Variants in AEBP1 observed in about 807,000 individuals in gnomAD.
AEBP1 encodes the protein AE binding protein 1, also known as adipocyte enhancer-binding protein 1.
A neutral mutation model predicts 116.5 loss-of-function variants in AEBP1; 69 were observed. That is an observed-to-expected ratio of 0.59 (90% CI 0.49 to 0.72). The LOEUF is 0.72. Ranked by LOEUF, AEBP1 falls within the 30% of genes least tolerant of loss-of-function variation. The pLI is 0.00. For synonymous variants in AEBP1, 627 were observed against 627.3 expected (o/e 1.00, Z 0.01); for missense variants, 1,444 against 1,557.5 (o/e 0.93, Z 1.23).
At position 44,113,401 on chromosome 7, in the gene AEBP1, A is replaced by G; in HGVS notation, c.2809+50A>G. 6.5e-7 allele frequency: 1 copy of G among 1,546,938 alleles called. No homozygotes were observed. The highest frequency in any genetic ancestry group is 8.8e-7 in the Non-Finnish European group (1 of 1,137,832). On this transcript the variant is annotated intron_variant, in intron 20 of 20. Coordinates refer to ENST00000223357, the MANE Select transcript of AEBP1 (RefSeq NM_001129.5). The surrounding 1 kb of genome is among the most constrained non-coding windows in gnomAD (Gnocchi z 5.3). ...CCATCTTTCTGAGGGAGGACCCGCC[A>G]GAGAGGGTGGGGGCTTGAGGAACTC...
At chr7:44,110,477 G>T in intron 11 of AEBP1, 131 bp downstream of exon 11, 1 of 1,367,658 alleles carries the variant, frequency 7.3e-7, no homozygotes. Context: ...ATCAGTGAGG[G>T]ACTCACCCTG....
chr7:44,106,339 G>A (rs2096222880), intron 1 of AEBP1: 1 of 712,592 alleles, frequency 1.4e-6, no homozygotes, highest in South Asian at 1.5e-5. Flanking sequence ...GTTGAGATTG[G>A]TGGTCACAGC....
At position 44,111,171 on chromosome 7, in the gene AEBP1, G is replaced by A. The variant is rs376114999; in HGVS notation, c.1648G>A (p.Ala550Thr). 8.9e-5 allele frequency: 137 copies of A among 1,531,210 alleles called. No individual in the cohort carries two copies. The highest frequency in any genetic ancestry group is 2.7e-4 in the East Asian group (12 of 44,090). 94.9% of individuals were successfully genotyped at this position (1,531,210 alleles called of 1,614,324 possible). Residue 550 changes from alanine (A) to threonine (T), a missense_variant, in exon 14 of 21, where the codon GCA becomes ACA. Physicochemically the swap from Ala to Thr is moderately conservative, Grantham distance 58. Transcript: ENST00000223357. The surrounding 1 kb of genome is among the most constrained non-coding windows in gnomAD (Gnocchi z 4.7). ...CSVAPVYSYY[A>T]QNEVVATDDL... The stretch of plus-strand genomic sequence containing the variant: ...CCTTGCAGCTGTCTACAGCTACTAC[G>A]CACAGAATGAGGTGGTGGCCACCGA...
At position 44,107,308 on chromosome 7, in the gene AEBP1, G is replaced by T; in HGVS notation, c.596-131G>T. 1 of 868,572 alleles carries T rather than the reference G, an allele frequency of 1.2e-6. No homozygotes were observed. The allele number at this position is 868,572 out of a possible 1,614,324, so 53.8% of individuals were successfully genotyped here. ...AGGCCAGAGGAGCTCAGGCCTCCTT[G>T]GAGTGAGCTCGGCCTCAGGAGGGTG... is the stretch of plus-strand genomic sequence containing the variant. On this transcript the variant is annotated intron_variant, in intron 2 of 20. Transcript: ENST00000223357. This position sits in a 1 kb window ranked among gnomAD's most constrained non-coding sequence, Gnocchi z 4.3.
rs1479341380 is a variant in AEBP1 at position 44,105,570 on chromosome 7, G to A, written c.253+652G>A. Among the ~76,000 whole-genome samples the A allele has an allele frequency of 3.9e-5, 6 of 152,076 alleles. No homozygotes were observed. The East Asian group carries it at 1.2e-3, about 29-fold the overall frequency. ...ATCCCTGTCTCCCAGGAGATTCCAA[G>A]GCACCATCCAACATTCCTGATGTCA... On this transcript the variant is annotated intron_variant, in intron 1 of 20. Transcript: ENST00000223357.
In AEBP1 at chr7:44,108,833, T is replaced by TGGAC; in HGVS notation, c.941-65_941-62dup. On this transcript the variant is annotated intron_variant, in intron 6 of 20. Transcript: ENST00000223357. The surrounding 1 kb of genome is among the most constrained non-coding windows in gnomAD (Gnocchi z 5.0). ...GCGGTCCTGTCCTGCTGAGCTCCTG[T>TGGAC]GGACCCAGGAGCTGAGGCCCCGCAG... The TGGAC allele has an allele frequency of 7.0e-7, 1 of 1,434,036 alleles. No individual in the cohort carries two copies. Among genetic ancestry groups the TGGAC allele is most frequent in the Non-Finnish European group, 9.6e-7 (1 of 1,042,992 alleles). The allele number at this position is 1,434,036 out of a possible 1,614,324, so 88.8% of individuals were successfully genotyped here. A position where few individuals can be genotyped will look rare whatever the true frequency, so the allele number is the denominator to read the frequency against.
chr7:44,106,521 T>G, intron 1 of AEBP1, 25 bp from the exon 2 acceptor site: 1 of 1,561,278 alleles, frequency 6.4e-7, no homozygotes, highest in South Asian at 1.2e-5. Flanking sequence ...TCTGTTCATT[T>G]GACACGAGTC....
chr7:44,113,836 C>G lies in AEBP1; in HGVS notation c.3052C>G (p.Leu1018Val). Residue 1018 changes from leucine to valine, a missense_variant, in exon 21 of 21, where the codon CTG becomes GTG. Leu to Val is a conservative substitution (Grantham distance 32). Transcript: ENST00000223357. This position sits in a 1 kb window ranked among gnomAD's most constrained non-coding sequence, Gnocchi z 5.3. ...CCCTATGACCCCCCAACAGCGACGCCTGCAGCAGCGACGCCTACAACACCG... is the reference window on the plus strand; with the variant it reads ...CCCTATGACCCCCCAACAGCGACGCGTGCAGCAGCGACGCCTACAACACCG... ...SRPMTPQQRR[L>V]QQRRLQHRLR... 1.2e-6 allele frequency: 2 copies of G among 1,613,948 alleles called. No homozygotes were observed. Among genetic ancestry groups the G allele is most frequent in the Non-Finnish European group, 1.7e-6 (2 of 1,179,986 alleles).
rs150691639 is a variant in AEBP1 at position 44,112,729 on chromosome 7, G to A, written c.2389G>A (p.Glu797Lys). The A allele has an allele frequency of 5.0e-6, 8 of 1,613,154 alleles. No individual in the cohort carries two copies. Among genetic ancestry groups the A allele is most frequent in the Non-Finnish European group, 6.8e-6 (8 of 1,179,994 alleles). ...CATGGCAGCAGCCCGGGGGGAGGAT[G>A]AGGACGAGGTCTCCGAGGCCCAGGA... ...AAMAAARGED[E>K]DEVSEAQETP... The change falls in exon 18 of 21, where the codon GAG (glutamate) becomes AAG (lysine). Residue 797 changes from glutamate (E) to lysine (K), a missense_variant. Transcript: ENST00000223357. This position sits in a 1 kb window ranked among gnomAD's most constrained non-coding sequence, Gnocchi z 6.6.
Position 44,104,520 on chromosome 7 carries a change from C to T in AEBP1, c.-146C>T, listed in dbSNP as rs2096220845. The T allele has an allele frequency of 1.8e-6, 1 of 543,788 alleles. No individual in the cohort carries two copies. The highest frequency in any genetic ancestry group is 4.0e-5 in the Admixed American group (1 of 24,764). The allele number at this position is 543,788 out of a possible 1,614,324, so 33.7% of individuals were successfully genotyped here. On this transcript the variant is annotated 5_prime_UTR_variant, in exon 1 of 21. Coordinates refer to ENST00000223357, the MANE Select transcript of AEBP1 (RefSeq NM_001129.5). ...ACCCTAATCCACTCTCCCTCCCTTTCCCGGATTCCCTCGCTCACCCCATCC... is the reference window on the plus strand; with the variant it reads ...ACCCTAATCCACTCTCCCTCCCTTTTCCGGATTCCCTCGCTCACCCCATCC...
Position 44,107,129 on chromosome 7 carries a change from C to T in AEBP1, c.595+242C>T, listed in dbSNP as rs1019214358. The stretch of plus-strand genomic sequence containing the variant: ...GGGTGGGACCTCTGTCCCTCAGGCC[C>T]CTGCCCAGATGTCCCTGGGCTCTGA... On this transcript the variant is annotated intron_variant, in intron 2 of 20. Transcript: ENST00000223357. This position sits in a 1 kb window ranked among gnomAD's most constrained non-coding sequence, Gnocchi z 4.3. Among the ~76,000 whole-genome samples, 3 of 152,214 alleles carry T rather than the reference C, an allele frequency of 2.0e-5. No homozygotes were observed. Among genetic ancestry groups the T allele is most frequent in the East Asian group, 1.9e-4 (1 of 5,186 alleles).
rs2096226419 is a variant in AEBP1 at position 44,109,347 on chromosome 7, TG to T, written c.1150+12del. The stretch of plus-strand genomic sequence containing the variant: ...GACGCCTACGGAGAAAGTCAGTAAG[TG>T]GGGGGCACAAGGGGGTGAGGGTGGG... On this transcript the variant is annotated splice_region_variant and intron_variant, in intron 9 of 20. Transcript: ENST00000223357. The T allele has an allele frequency of 7.6e-6, 5 of 653,864 alleles. No homozygotes were observed. The highest frequency in any genetic ancestry group is 4.3e-5 in the African/African-American group (1 of 23,142). The allele number at this position is 653,864 out of a possible 1,614,324, so 40.5% of individuals were successfully genotyped here.
Position 44,108,850 on chromosome 7 carries a change from G to GC in AEBP1, c.941-45dup, listed in dbSNP as rs2096225738. The GC allele has an allele frequency of 6.6e-7, 1 of 1,523,104 alleles. No homozygotes were observed. The highest frequency in any genetic ancestry group is 8.9e-7 in the Non-Finnish European group (1 of 1,122,944). The allele number at this position is 1,523,104 out of a possible 1,614,324, so 94.3% of individuals were successfully genotyped here. A position where few individuals can be genotyped will look rare whatever the true frequency, so the allele number is the denominator to read the frequency against. On this transcript the variant is annotated intron_variant, in intron 6 of 20. Transcript: ENST00000223357. This position sits in a 1 kb window ranked among gnomAD's most constrained non-coding sequence, Gnocchi z 5.0. ...AGCTCCTGTGGACCCAGGAGCTGAG[G>GC]CCCCGCAGCAGGGTCAGGGCAGCCT...
At chr7:44,106,043 G>T (rs2096222576) in intron 1 of AEBP1, 1 of 371,900 alleles carries the variant, frequency 2.7e-6, no homozygotes, top group Non-Finnish European at 5.3e-6. Flanking sequence ...CTCTTCTTTG[G>T]GCTTCAATAC....
Position 44,111,621 on chromosome 7 carries a change from C to A in AEBP1, c.1831C>A (p.His611Asn), listed in dbSNP as rs2096229531. Residue 611 changes from histidine to asparagine, a missense_variant, in exon 15 of 21, where the codon CAT becomes AAT. Physicochemically the swap from His to Asn is moderately conservative, Grantham distance 68. Coordinates refer to ENST00000223357, the MANE Select transcript of AEBP1 (RefSeq NM_001129.5). This position sits in a 1 kb window ranked among gnomAD's most constrained non-coding sequence, Gnocchi z 4.7. ...GGAGATCTCAGACAACCCTGGGGAG[C>A]ATGAACTGGGTGAGGGTCTGTGGGG... ...AMEISDNPGEHELGEPEFRYT... is the reference protein window; with the variant it reads ...AMEISDNPGENELGEPEFRYT... The A allele has an allele frequency of 6.2e-7, 1 of 1,612,738 alleles. No individual in the cohort carries two copies.
In AEBP1 at chr7:44,112,583, T is replaced by C. The variant is rs761851337; in HGVS notation, c.2243T>C (p.Ile748Thr). 6.3e-7 allele frequency: 1 copy of C among 1,599,078 alleles called. No homozygotes were observed. The highest frequency in any genetic ancestry group is 8.5e-7 in the Non-Finnish European group (1 of 1,169,864). The stretch of plus-strand genomic sequence containing the variant: ...GTATCCACGGAGGTCCGGGCCATCA[T>C]TGCCTGGATGGAGAAGAACCCCTTC... ...ATVSTEVRAI[I>T]AWMEKNPFVL... is the part of the protein sequence containing the mutation. Residue 748 changes from isoleucine (I) to threonine (T), a missense_variant, in exon 18 of 21, where the codon ATT becomes ACT. Physicochemically the swap from Ile to Thr is moderately conservative, Grantham distance 89. Transcript: ENST00000223357. This position sits in a 1 kb window ranked among gnomAD's most constrained non-coding sequence, Gnocchi z 6.6.
chr7:44,104,927 C>T lies in AEBP1; in HGVS notation c.253+9C>T. 1.3e-6 allele frequency: 2 copies of T among 1,534,436 alleles called. No homozygotes were observed. The highest frequency in any genetic ancestry group is 1.2e-5 in the South Asian group (1 of 83,588). ...AGGGACGGCCGCAGAAGGTAAGAGC[C>T]CAGGGCAGGGCGGGGGTGTGGGGGG... is the stretch of plus-strand genomic sequence containing the variant. On this transcript the variant is annotated intron_variant, in intron 1 of 20. Transcript: ENST00000223357.
rs1181961999 is a variant in AEBP1 at position 44,110,309 on chromosome 7, A to G, written c.1363A>G (p.Thr455Ala). 6.2e-7 allele frequency: 1 copy of G among 1,613,602 alleles called. No homozygotes were observed. The highest frequency in any genetic ancestry group is 1.3e-5 in the African/African-American group (1 of 74,934). Residue 455 changes from threonine to alanine, a missense_variant, in exon 11 of 21, where the codon ACA becomes GCA. Thr to Ala is a moderately conservative substitution (Grantham distance 58). Coordinates refer to ENST00000223357, the MANE Select transcript of AEBP1 (RefSeq NM_001129.5). ...GGACACCAGGAGGACTACCCGGTTC[A>G]CAGGCGTCATCACCCAGGGCAGAGA... ...EVDTRRTTRF[T>A]GVITQGRDSS...
rs775049880 is a variant in AEBP1, at chr7:44,112,182, A to AGGAG, written c.2081_2084dup (p.Phe696GlyfsTer3). ...AACTGGGCGCTGGGACTGTGGACTG[A>AGGAG]GGAGGGCTTTGACATCTTTGAAGAT... On this transcript the variant is annotated frameshift_variant, in exon 17 of 21. Transcript: ENST00000223357. LOFTEE classifies it high-confidence loss of function. The surrounding 1 kb of genome is among the most constrained non-coding windows in gnomAD (Gnocchi z 6.6). The AGGAG allele has an allele frequency of 6.2e-7, 1 of 1,606,916 alleles. No homozygotes were observed.
Sources: gnomAD v4.1 joint callset for allele counts (sites outside exome capture counted in the v4.1 genomes callset) on GRCh38, gnomAD v4.1.1 for gene constraint, Gnocchi (gnomAD v3.1) non-coding constraint, MANE v1.5 for transcripts, NCBI Gene and HGNC (gene_info 2026-07-23, HGNC 2026-07-21) for gene names.